The following NDUFS4 variants were observed in gnomAD, a reference collection of about 807,000 sequenced individuals.
NDUFS4 encodes the protein NADH:ubiquinone oxidoreductase subunit S4, also known as NADH dehydrogenase [ubiquinone] iron-sulfur protein 4, mitochondrial.
NDUFS4 carries 28 observed loss-of-function variants against 24.3 expected under a neutral mutation model. The observed-to-expected ratio is 1.15, with a 90% CI of 0.85 to 1.58. NDUFS4 has a LOEUF of 1.58. NDUFS4 is among the 40% of genes most tolerant of loss of function. The pLI is 0.00. For synonymous variants in NDUFS4, 93 were observed against 69.7 expected (o/e 1.34, Z -1.67); for missense variants, 223 against 207.9 (o/e 1.07, Z -0.45).
rs181403282 is a variant in NDUFS4 at position 53,664,577 on chromosome 5, C to T, written c.424+5953C>T. Among the ~76,000 whole-genome samples the T allele has an allele frequency of 4.8e-3, 737 of 152,206 alleles. 6 individuals carry two copies. The highest frequency in any genetic ancestry group is 9.4e-3 in the Non-Finnish European group (637 of 68,000). ...ACTTCTCTTCTTGCTTCATTTCATT[C>T]ATTTGATCTTGCCTCACTGATACCC... On this transcript the variant is annotated intron_variant, in intron 4 of 4. Coordinates refer to ENST00000296684, the MANE Select transcript of NDUFS4 (RefSeq NM_002495.4).
At chr5:53,606,803 A>G (rs752815573) in intron 2 of NDUFS4, among the ~76,000 whole-genome samples, 3 of 152,226 alleles carry the variant, frequency 2.0e-5, no homozygotes. Context: ...TTACATTTCA[A>G]CATGAGAGTT....
intron 1 of NDUFS4, among the ~76,000 whole-genome samples, chr5:53,579,389 G>A (rs1171357671): frequency 1.3e-5 from 2 of 152,092 alleles, no homozygotes; most frequent in African/African-American, 4.8e-5. Flanking sequence ...ACAATTACCA[G>A]TACCTTTATT....
At chr5:53,657,934 A>AT (rs559707929) in intron 3 of NDUFS4, among the ~76,000 whole-genome samples, 2 of 151,104 alleles carry the variant, frequency 1.3e-5, no homozygotes, top group Non-Finnish European at 2.9e-5. Flanking sequence ...CAAAAAAAAA[A>AT]AAAAAAAAGA....
chr5:53,575,709 T>C (rs992658025), intron 1 of NDUFS4, among the ~76,000 whole-genome samples: 4 of 151,748 alleles, frequency 2.6e-5, no homozygotes, highest in African/African-American at 9.7e-5. Flanking sequence ...GTCTGGCTAA[T>C]TTTTGTATTT....
intron 4 of NDUFS4, among the ~76,000 whole-genome samples, chr5:53,682,035 T>TGCATGA (rs1488218796): frequency 6.6e-6 from 1 of 152,226 alleles, no homozygotes; most frequent in Non-Finnish European, 1.5e-5. Flanking sequence ...TGTACATGAC[T>TGCATGA]GCATGATACA....
intron 4 of NDUFS4, among the ~76,000 whole-genome samples, chr5:53,674,850 A>G (rs1214778416): frequency 6.6e-6 from 1 of 152,136 alleles, no homozygotes; most frequent in Non-Finnish European, 1.5e-5. Flanking sequence ...AAAATACGCA[A>G]GTGGAATAAA....
chr5:53,635,604 A>T (rs979115639), intron 2 of NDUFS4, among the ~76,000 whole-genome samples: 1 of 152,196 alleles, frequency 6.6e-6, no homozygotes, highest in South Asian at 2.1e-4. Flanking sequence ...AAAAGTTGAA[A>T]TTATTAAATG....
intron 2 of NDUFS4, among the ~76,000 whole-genome samples, chr5:53,610,092 T>A (rs1170437950): frequency 1.3e-5 from 2 of 152,226 alleles, no homozygotes; most frequent in African/African-American, 4.8e-5. Context: ...GGCCTGGCTT[T>A]TGGTCTGTCT....
At chr5:53,591,056 C>G (rs1749939437) in intron 1 of NDUFS4, among the ~76,000 whole-genome samples, 1 of 152,176 alleles carries the variant, frequency 6.6e-6, no homozygotes, top group Non-Finnish European at 1.5e-5. Flanking sequence ...TGGCTTATTT[C>G]ACTTATCACA....
chr5:53,673,724 GTTTC>G (rs1740366425), intron 4 of NDUFS4, among the ~76,000 whole-genome samples: 1 of 152,056 alleles, frequency 6.6e-6, no homozygotes, highest in Non-Finnish European at 1.5e-5. Flanking sequence ...TCCTATTCCA[GTTTC>G]ATTTATGTGT....
intron 1 of NDUFS4, among the ~76,000 whole-genome samples, chr5:53,600,210 G>T (rs1236617448): frequency 6.6e-6 from 1 of 151,880 alleles, no homozygotes; most frequent in Non-Finnish European, 1.5e-5. Flanking sequence ...CGTTGGTCAG[G>T]TTGGTCTGGA....
chr5:53,644,743 A>G (rs1751808340), intron 2 of NDUFS4, among the ~76,000 whole-genome samples: 1 of 152,116 alleles, frequency 6.6e-6, no homozygotes, highest in Non-Finnish European at 1.5e-5. Flanking sequence ...TTAGAAGTGC[A>G]TATTTGTGTA....
chr5:53,681,420 C>T (rs1740660489), intron 4 of NDUFS4, among the ~76,000 whole-genome samples: 1 of 152,090 alleles, frequency 6.6e-6, no homozygotes, highest in African/African-American at 2.4e-5. Flanking sequence ...CATGAATTAT[C>T]ACATCCTTAT....
intron 1 of NDUFS4, among the ~76,000 whole-genome samples, chr5:53,583,998 A>G (rs1749659904): frequency 6.6e-6 from 1 of 152,214 alleles, no homozygotes; most frequent in Admixed American, 6.5e-5. Context: ...TGAAAACAGA[A>G]GTATCTGGCA....
At chr5:53,605,650 A>G (rs1036593162) in intron 2 of NDUFS4, among the ~76,000 whole-genome samples, 5 of 152,184 alleles carry the variant, frequency 3.3e-5, no homozygotes, top group African/African-American at 1.2e-4. Flanking sequence ...GATTGGTTCT[A>G]GGACTCCCCT....
intron 1 of NDUFS4, among the ~76,000 whole-genome samples, chr5:53,600,109 C>T (rs1019171843): frequency 1.3e-5 from 2 of 151,750 alleles, no homozygotes; most frequent in Admixed American, 1.3e-4. Flanking sequence ...AAGTGATTCT[C>T]CTATCTCAGC....
At chr5:53,626,904 A>C (rs116098467) in intron 2 of NDUFS4, among the ~76,000 whole-genome samples, 1 of 152,070 alleles carries the variant, frequency 6.6e-6, no homozygotes, top group Non-Finnish European at 1.5e-5. Flanking sequence ...CCATATGTCT[A>C]TTTTGACTTT....
chr5:53,597,228 G>A (rs1235854487), intron 1 of NDUFS4, among the ~76,000 whole-genome samples: 2 of 152,146 alleles, frequency 1.3e-5, no homozygotes, highest in African/African-American at 2.4e-5. Flanking sequence ...TGGTGGCTGG[G>A]TTCCAAAAGT....
At chr5:53,608,584 T>A (rs531342825) in intron 2 of NDUFS4, among the ~76,000 whole-genome samples, 2 of 151,392 alleles carry the variant, frequency 1.3e-5, no homozygotes, top group South Asian at 4.2e-4. Context: ...CAGGAGTAGA[T>A]TCTGTCTCAA....
Sources: gnomAD v4.1 joint callset for allele counts (sites outside exome capture counted in the v4.1 genomes callset) on GRCh38, gnomAD v4.1.1 for gene constraint, MANE v1.5 for transcripts, NCBI Gene and HGNC (gene_info 2026-07-23, HGNC 2026-07-21) for gene names.